SLC39A11: variants seen among roughly 807,000 people sequenced by gnomAD.
SLC39A11 encodes the protein solute carrier family 39 member 11.
A neutral mutation model predicts 36.1 loss-of-function variants in SLC39A11; 33 were observed. That is an observed-to-expected ratio of 0.91 (90% CI 0.69 to 1.22). The LOEUF (loss-of-function observed/expected upper bound fraction) is 1.22, where lower values mean the gene tolerates loss of function less well. Among genes scored for constraint, SLC39A11 ranks in the 50% most tolerant of loss-of-function variants. The pLI is 0.00. For missense variants in SLC39A11, 432 were observed against 430.3 expected, an observed-to-expected ratio of 1.00 and a Z score of -0.03; for synonymous variants, 166 against 170.3, an observed-to-expected ratio of 0.97 and a Z score of 0.20.
At position 73,082,819 on chromosome 17, in the gene SLC39A11, T is replaced by G. The variant is rs185341214; in HGVS notation, c.147+1989A>C. ...TGAGGTCAGGAGTTCGAGACCAGCC[T>G]GGCCAACACGGCAAAACCCCATCTC... On this transcript the variant is annotated intron_variant, in intron 3 of 9. Transcript: ENST00000255559. Among the ~76,000 whole-genome samples the G allele has an allele frequency of 3.1e-3, 465 of 150,010 alleles. 1 individual carries two copies. The highest frequency in any genetic ancestry group is 5.4e-3 in the Non-Finnish European group (364 of 67,700).
At chr17:72,935,450 T>C (rs1174812296) in intron 5 of SLC39A11, among the ~76,000 whole-genome samples, 1 of 152,148 alleles carries the variant, frequency 6.6e-6, no homozygotes, top group African/African-American at 2.4e-5. Flanking sequence ...GTGATGGAAC[T>C]CTCCTATGGT....
chr17:72,719,936 T>A (rs999882437), intron 7 of SLC39A11, among the ~76,000 whole-genome samples: 2 of 152,068 alleles, frequency 1.3e-5, no homozygotes, highest in African/African-American at 2.4e-5. Context: ...TCCTTTTTGC[T>A]CTGAGAAGGT....
intron 5 of SLC39A11, among the ~76,000 whole-genome samples, chr17:72,906,453 T>A (rs1178385405): frequency 6.6e-6 from 1 of 152,180 alleles, no homozygotes; most frequent in Non-Finnish European, 1.5e-5. Context: ...CTTGGCTGGG[T>A]CTGTGCACAC....
intron 5 of SLC39A11, among the ~76,000 whole-genome samples, chr17:72,877,337 T>C (rs2080956129): frequency 6.6e-6 from 1 of 152,252 alleles, no homozygotes; most frequent in Non-Finnish European, 1.5e-5. Context: ...ACTGGGTCTC[T>C]GAATAGTAAT....
chr17:73,005,437 C>T (rs35413744), intron 4 of SLC39A11, among the ~76,000 whole-genome samples: 10,625 of 152,254 alleles, frequency 0.07, 516 homozygotes, highest in African/African-American at 0.14. Context: ...ATACTCTCTG[C>T]GTGTTATTTT....
chr17:72,749,813 T>C (rs895797607), intron 6 of SLC39A11, among the ~76,000 whole-genome samples: 13 of 151,974 alleles, frequency 8.6e-5, no homozygotes, highest in African/African-American at 2.9e-4. Context: ...CTGAGGTGGG[T>C]AGACCATTCC....
chr17:72,816,698 T>C (rs1316976833), intron 6 of SLC39A11, among the ~76,000 whole-genome samples: 1 of 152,126 alleles, frequency 6.6e-6, no homozygotes, highest in East Asian at 1.9e-4. Flanking sequence ...CTCCCAGGTG[T>C]CCGTAGCCCA....
rs1555674168 is a variant in SLC39A11 at position 73,004,215 on chromosome 17, G to GA, written c.306+27340dup. On this transcript the variant is annotated intron_variant, in intron 4 of 9. Coordinates refer to ENST00000255559, the MANE Select transcript of SLC39A11 (RefSeq NM_139177.4). ...AGAAAGAAAGAAAGAAAGAAAGAAA[G>GA]AAAGAAAGAAAGAAAGAAAAGAAAG... 7.7e-4 allele frequency among the ~76,000 whole-genome samples: 94 copies of GA among 121,778 alleles called. 3 individuals are homozygous for GA. Among genetic ancestry groups the GA allele is most frequent in the African/African-American group, 2.7e-3 (89 of 33,410 alleles). The allele number at this position is 121,778 out of a possible 152,430, so 79.9% of individuals were successfully genotyped here.
intron 4 of SLC39A11, among the ~76,000 whole-genome samples, chr17:72,990,597 T>C (rs1208389474): frequency 6.6e-6 from 1 of 152,100 alleles, no homozygotes; most frequent in Admixed American, 6.6e-5. Context: ...GCTAATTTTT[T>C]TTGTATTTTT....
In SLC39A11 at chr17:72,900,138, GA is replaced by G. The variant is rs1294098260; in HGVS notation, c.430+47613del. Among the ~76,000 whole-genome samples the G allele has an allele frequency of 2.1e-3, 145 of 70,424 alleles. 22 individuals carry two copies. Among genetic ancestry groups the G allele is most frequent in the African/African-American group, 0.017 (138 of 8,258 alleles). 46.2% of individuals were successfully genotyped at this position (70,424 alleles called of 152,430 possible). A position where few individuals can be genotyped will look rare whatever the true frequency, so the allele number is the denominator to read the frequency against. ...GAAAGAAAGAAAAGAAAGAAAGAAA[GA>G]AAAAGAAAGAAAGAAAAGAAAGAAA... On this transcript the variant is annotated intron_variant, in intron 5 of 9. Transcript: ENST00000255559.
At position 72,967,370 on chromosome 17, in the gene SLC39A11, C is replaced by CAGAG. The variant is rs72044418; in HGVS notation, c.307-19499_307-19496dup. On this transcript the variant is annotated intron_variant, in intron 4 of 9. Coordinates refer to ENST00000255559, the MANE Select transcript of SLC39A11 (RefSeq NM_139177.4). The stretch of plus-strand genomic sequence containing the variant: ...GAAGAAAATGCTATATAAGCATGCT[C>CAGAG]AGAGAGAGAGAGAGAGAGAGAGAGA... 1.2e-3 allele frequency among the ~76,000 whole-genome samples: 132 copies of CAGAG among 110,094 alleles called. 2 individuals carry two copies. Among genetic ancestry groups the CAGAG allele is most frequent in the Admixed American group, 3.1e-3 (30 of 9,622 alleles). 72.2% of individuals were successfully genotyped at this position (110,094 alleles called of 152,430 possible). A position where few individuals can be genotyped will look rare whatever the true frequency, so the allele number is the denominator to read the frequency against.
intron 6 of SLC39A11, among the ~76,000 whole-genome samples, chr17:72,778,932 A>T (rs1368192547): frequency 6.6e-6 from 1 of 152,192 alleles, no homozygotes; most frequent in Non-Finnish European, 1.5e-5. Context: ...CATGTGCTAT[A>T]GGGCATTGAG....
In SLC39A11 at chr17:72,798,368, T is replaced by C. The variant is rs79249022; in HGVS notation, c.601+51266A>G. Among the ~76,000 whole-genome samples the C allele has an allele frequency of 5.0e-4, 75 of 151,274 alleles. No individual in the cohort carries two copies. In the East Asian group the frequency reaches 7.6e-3, roughly 15 times the overall value. On this transcript the variant is annotated intron_variant, in intron 6 of 9. Coordinates refer to ENST00000255559, the MANE Select transcript of SLC39A11 (RefSeq NM_139177.4). ...AGCCACCTTCCACTGTGTCCTCACA[T>C]GGTGAACAGAGAGAGAGACTGAGCT...
chr17:72,818,163 CA>C (rs1042176075), intron 6 of SLC39A11, among the ~76,000 whole-genome samples: 6 of 152,148 alleles, frequency 3.9e-5, no homozygotes, highest in African/African-American at 1.4e-4. Context: ...CAAACCATAT[CA>C]GGGGTCCTTT....
At chr17:72,861,657 T>TTA (rs373265286) in intron 5 of SLC39A11, among the ~76,000 whole-genome samples, 4,575 of 50,720 alleles carry the variant, frequency 0.09, 235 homozygotes, top group African/African-American at 0.11. Flanking sequence ...ATACAACACA[T>TTA]TATATATATA....
chr17:73,081,678 T>C (rs1427128656), intron 3 of SLC39A11, among the ~76,000 whole-genome samples: 5 of 146,946 alleles, frequency 3.4e-5, no homozygotes, highest in Admixed American at 1.4e-4. Flanking sequence ...CACATATATA[T>C]ACACATATAT....
intron 7 of SLC39A11, among the ~76,000 whole-genome samples, chr17:72,675,760 C>T (rs375441492): frequency 7.9e-5 from 12 of 152,186 alleles, no homozygotes; most frequent in Non-Finnish European, 1.5e-4. Flanking sequence ...CTCGGCTCAC[C>T]GCAACCTCCG....
At chr17:72,984,952 C>T (rs2088604643) in intron 4 of SLC39A11, among the ~76,000 whole-genome samples, 1 of 152,226 alleles carries the variant, frequency 6.6e-6, no homozygotes, top group South Asian at 2.1e-4. Context: ...AGCAATAACC[C>T]TCTTATGGAA....
At chr17:72,689,046 A>G (rs113760343) in intron 7 of SLC39A11, among the ~76,000 whole-genome samples, 4,970 of 152,184 alleles carry the variant, frequency 0.033, 177 homozygotes, top group African/African-American at 0.084. Flanking sequence ...GAGGTGGGCC[A>G]GCCAGTCATC....
Sources: gnomAD v4.1 joint callset for allele counts (sites outside exome capture counted in the v4.1 genomes callset) on GRCh38, gnomAD v4.1.1 for gene constraint, MANE v1.5 for transcripts, NCBI Gene and HGNC (gene_info 2026-07-23, HGNC 2026-07-21) for gene names.